The following GALNT2 variants were observed in gnomAD, a reference collection of about 807,000 sequenced individuals.
The protein encoded by GALNT2 is UDP-GalNAc:polypeptide N-acetylgalactosaminyltransferase 2.
A neutral mutation model predicts 81.4 loss-of-function variants in GALNT2; 31 were observed. The ratio of observed to expected loss-of-function variants is 0.38; its 90% CI spans 0.29 to 0.51. The LOEUF is 0.51. Ranked by LOEUF, GALNT2 falls within the 20% of genes least tolerant of loss-of-function variation. The probability of loss-of-function intolerance (pLI) is 0.87; values close to 1 mark genes in which losing one functional copy is unlikely to be tolerated. For missense variants in GALNT2, 629 were observed against 765.7 expected (o/e 0.82, Z 2.11); for synonymous variants, 303 against 287.4 (o/e 1.05, Z -0.55).
chr1:230,115,089 T>A (rs2102794283), intron 1 of GALNT2, among the ~76,000 whole-genome samples: 1 of 147,208 alleles, frequency 6.8e-6, no homozygotes, highest in African/African-American at 2.5e-5. Flanking sequence ...CATTGCAACC[T>A]CTGCCACCCG....
chr1:230,072,071 A>G (rs2102743296), intron 1 of GALNT2, among the ~76,000 whole-genome samples: 2 of 152,126 alleles, frequency 1.3e-5, no homozygotes, highest in African/African-American at 4.8e-5. Context: ...ACCCGCTGTC[A>G]GTTTCCCCAC....
intron 1 of GALNT2, among the ~76,000 whole-genome samples, chr1:230,097,951 C>T (rs968888165): frequency 3.9e-5 from 6 of 152,166 alleles, no homozygotes; most frequent in South Asian, 2.1e-4. Flanking sequence ...TGAGTTAATA[C>T]GTATGAATGT....
At position 230,236,355 on chromosome 1, in the gene GALNT2, T is replaced by C; in HGVS notation, c.476T>C (p.Val159Ala). 2.5e-6 allele frequency: 4 copies of C among 1,613,802 alleles called. No individual in the cohort carries two copies. Among genetic ancestry groups the C allele is most frequent in the Non-Finnish European group, 3.4e-6 (4 of 1,179,746 alleles). Reference protein sequence around the residue: ...RSALLRTVVSVLKKSPPHLIK... With the variant: ...RSALLRTVVSALKKSPPHLIK... ...TTTATCTTCTTGTCTTTTCTTAGCG[T>C]GCTTAAGAAAAGCCCGCCCCATCTC... is the stretch of plus-strand genomic sequence containing the variant. The change falls in exon 5 of 16, where the codon GTG (valine) becomes GCG (alanine). Residue 159 changes from valine (V) to alanine (A), a missense_variant and splice_region_variant. Val to Ala is a moderately conservative substitution (Grantham distance 64). Transcript: ENST00000366672.
At chr1:230,252,525 G>C (rs994996116) in intron 10 of GALNT2, among the ~76,000 whole-genome samples, 3 of 152,178 alleles carry the variant, frequency 2.0e-5, no homozygotes, top group Non-Finnish European at 4.4e-5. Context: ...TTTCTTAACG[G>C]AGTGTGGTCT....
intron 14 of GALNT2, among the ~76,000 whole-genome samples, chr1:230,272,969 G>A (rs1426865029): frequency 1.3e-5 from 2 of 152,012 alleles, no homozygotes; most frequent in South Asian, 2.1e-4. Flanking sequence ...ACAAGGTCTC[G>A]CTATGTTGCC....
intron 1 of GALNT2, among the ~76,000 whole-genome samples, chr1:230,120,021 G>A (rs1660964997): frequency 6.6e-6 from 1 of 152,106 alleles, no homozygotes; most frequent in South Asian, 2.1e-4. Flanking sequence ...CTCTGTGCTG[G>A]GAAGCGTTTG....
intron 1 of GALNT2, among the ~76,000 whole-genome samples, chr1:230,059,673 C>A (rs1372309285): frequency 2.0e-5 from 3 of 152,116 alleles, no homozygotes; most frequent in Non-Finnish European, 4.4e-5. Context: ...CATGTAAAAC[C>A]ACTTTTAAAG....
intron 6 of GALNT2, among the ~76,000 whole-genome samples, chr1:230,241,943 T>C (rs1245903468): frequency 6.6e-6 from 1 of 152,228 alleles, no homozygotes; most frequent in South Asian, 2.1e-4. Context: ...TAACTGTTGC[T>C]TTTCATGTTG....
intron 3 of GALNT2, among the ~76,000 whole-genome samples, chr1:230,217,261 A>G (rs1442718426): frequency 6.6e-6 from 1 of 152,244 alleles, no homozygotes; most frequent in Non-Finnish European, 1.5e-5. Context: ...ACAGGTGATC[A>G]GGGAAGATCT....
chr1:230,247,045 G>A (rs1357896732), intron 8 of GALNT2, among the ~76,000 whole-genome samples: 1 of 150,330 alleles, frequency 6.7e-6, no homozygotes, highest in Non-Finnish European at 1.5e-5. Flanking sequence ...TTCAAGACCA[G>A]CCTGGGCAAC....
At chr1:230,265,479 T>C in intron 14 of GALNT2, 112 bp downstream of exon 14, 1 of 1,459,772 alleles carries the variant, frequency 6.9e-7, no homozygotes, top group East Asian at 2.3e-5. Flanking sequence ...GGGTGATGTC[T>C]ATGAGGAAGC....
chr1:230,058,174 C>T (rs752102982), intron 1 of GALNT2: 173 of 452,708 alleles, frequency 3.8e-4, no homozygotes, highest in Non-Finnish European at 6.4e-4. Flanking sequence ...GCACTCCTGA[C>T]ACTGGCCTCC....
At chr1:230,099,108 TCTC>T (rs1425054204) in intron 1 of GALNT2, among the ~76,000 whole-genome samples, 1 of 152,174 alleles carries the variant, frequency 6.6e-6, no homozygotes, top group Non-Finnish European at 1.5e-5. Context: ...CCCTCCCTAG[TCTC>T]CTCTGTTACA....
intron 3 of GALNT2, among the ~76,000 whole-genome samples, chr1:230,205,725 G>T (rs1664039816): frequency 6.6e-6 from 1 of 152,148 alleles, no homozygotes; most frequent in Admixed American, 6.5e-5. Flanking sequence ...TGGGGACAGG[G>T]TCCTTCACTT....
rs58639878 is a variant in GALNT2 at position 230,094,163 on chromosome 1, ATTTTTTTTTTTT to A, written c.126+26773_126+26784del. 8.4e-5 allele frequency among the ~76,000 whole-genome samples: 10 copies of A among 119,362 alleles called. No homozygotes were observed. In the South Asian group the frequency reaches 1.8e-3, roughly 22 times the overall value. The allele number at this position is 119,362 out of a possible 152,430, so 78.3% of individuals were successfully genotyped here. ...CAGGTGTGTGCCACCATGCTGGCTA[ATTTTTTTTTTTT>A]TTTTTTTTTTTTTTTGGTAGAGATT... On this transcript the variant is annotated intron_variant, in intron 1 of 15. Coordinates refer to ENST00000366672, the MANE Select transcript of GALNT2 (RefSeq NM_004481.5).
chr1:230,211,391 G>C (rs747908910), intron 3 of GALNT2, among the ~76,000 whole-genome samples: 5 of 152,246 alleles, frequency 3.3e-5, no homozygotes, highest in Non-Finnish European at 7.3e-5. Context: ...TGGAGTTTGG[G>C]TGTGGTGTAA....
chr1:230,207,060 T>A (rs985886212), intron 3 of GALNT2, among the ~76,000 whole-genome samples: 1 of 151,822 alleles, frequency 6.6e-6, no homozygotes, highest in African/African-American at 2.4e-5. Context: ...ATTTTACTTA[T>A]TTTTTTCTTC....
intron 1 of GALNT2, among the ~76,000 whole-genome samples, chr1:230,072,147 T>C (rs937292636): frequency 5.3e-5 from 8 of 151,292 alleles, no homozygotes; most frequent in Non-Finnish European, 1.2e-4. Flanking sequence ...GAGGAAGAGG[T>C]GGTCAGAAAA....
intron 1 of GALNT2, among the ~76,000 whole-genome samples, chr1:230,133,438 ATTTCTTT>A (rs1435804785): frequency 1.4e-5 from 2 of 147,558 alleles, no homozygotes; most frequent in African/African-American, 5.0e-5. Context: ...TTCTGTTTCG[ATTTCTTT>A]TTTCTTTTTT....
Sources: gnomAD v4.1 joint callset for allele counts (sites outside exome capture counted in the v4.1 genomes callset) on GRCh38, gnomAD v4.1.1 for gene constraint, MANE v1.5 for transcripts, NCBI Gene and HGNC (gene_info 2026-07-23, HGNC 2026-07-21) for gene names.